Variants in FLRT1 observed in about 807,000 individuals in gnomAD.
FLRT1 encodes the protein leucine-rich repeat transmembrane protein FLRT1.
In FLRT1, 14 loss-of-function variants were observed where a neutral mutation model predicts 30.9. That is an observed-to-expected ratio of 0.45 (90% CI 0.30 to 0.71). The LOEUF is 0.71. FLRT1 is among the 30% of genes least tolerant of loss of function. The pLI is 0.08. For synonymous variants in FLRT1, 368 were observed against 430.4 expected (o/e 0.85, Z 1.80); for missense variants, 737 against 949.2 (o/e 0.78, Z 2.94).
chr11:64,095,616 G>A (rs1269302853), intron 1 of FLRT1, among the ~76,000 whole-genome samples: 6 of 152,166 alleles, frequency 3.9e-5, no homozygotes, highest in Admixed American at 6.5e-5. Context: ...AAGGAAAGGC[G>A]GCTTCCCCCA....
chr11:64,081,274 G>A (rs190025922), intron 1 of FLRT1, among the ~76,000 whole-genome samples: 8 of 152,238 alleles, frequency 5.3e-5, no homozygotes, highest in South Asian at 2.1e-4. Flanking sequence ...TGCCCACCTC[G>A]GCCTCCCAAA....
At chr11:64,094,065 G>C (rs1447565101) in intron 1 of FLRT1, among the ~76,000 whole-genome samples, 1 of 152,174 alleles carries the variant, frequency 6.6e-6, no homozygotes, top group Non-Finnish European at 1.5e-5. Context: ...GGGAGGCCAA[G>C]CCAGGCAGAT....
intron 1 of FLRT1, among the ~76,000 whole-genome samples, chr11:64,062,087 G>A (rs894559600): frequency 9.2e-5 from 14 of 151,480 alleles, no homozygotes; most frequent in African/African-American, 3.2e-4. Flanking sequence ...TCTCTGCCTG[G>A]GGGATGTCTG....
Position 64,118,412 on chromosome 11 carries a change from T to C in FLRT1, c.*120T>C. 1 of 1,282,316 alleles carries C rather than the reference T, an allele frequency of 7.8e-7. No individual in the cohort carries two copies. Among genetic ancestry groups the C allele is most frequent in the Non-Finnish European group, 1.0e-6 (1 of 974,782 alleles). The allele number at this position is 1,282,316 out of a possible 1,614,324, so 79.4% of individuals were successfully genotyped here. A position where few individuals can be genotyped will look rare whatever the true frequency, so the allele number is the denominator to read the frequency against. ...AGAGAAATTCCATGGGTGACTTTCC[T>C]CCGCAGAAAGCAAAGTTTGGGGAGG... On this transcript the variant is annotated 3_prime_UTR_variant, in exon 3 of 3. Transcript: ENST00000682287.
At chr11:64,080,098 C>T (rs1291683322) in intron 1 of FLRT1, among the ~76,000 whole-genome samples, 2 of 152,168 alleles carry the variant, frequency 1.3e-5, no homozygotes, top group South Asian at 2.1e-4. Flanking sequence ...CTGCAACCTC[C>T]GCCTCCCAGG....
chr11:64,079,412 G>T (rs1046234729), intron 1 of FLRT1, among the ~76,000 whole-genome samples: 3 of 152,048 alleles, frequency 2.0e-5, no homozygotes, highest in South Asian at 2.1e-4. Flanking sequence ...GGGATGGGGG[G>T]GTGTGCGAAG....
chr11:64,088,444 C>A (rs141862780), intron 1 of FLRT1, among the ~76,000 whole-genome samples: 2 of 152,160 alleles, frequency 1.3e-5, no homozygotes, highest in Non-Finnish European at 2.9e-5. Flanking sequence ...CCTGCAGGTG[C>A]GGCTGTGGGC....
chr11:64,110,068 G>GT (rs1565236894), intron 2 of FLRT1, among the ~76,000 whole-genome samples: 1 of 152,160 alleles, frequency 6.6e-6, no homozygotes, highest in Non-Finnish European at 1.5e-5. Context: ...ATCCTGAATT[G>GT]TAAGTTCCCA....
At position 64,064,795 on chromosome 11, in the gene FLRT1, C is replaced by T. The variant is rs912336601; in HGVS notation, c.-1038+28636C>T. 2.6e-5 allele frequency among the ~76,000 whole-genome samples: 4 copies of T among 151,988 alleles called. No individual in the cohort carries two copies. The highest frequency in any genetic ancestry group is 6.6e-5 in the Admixed American group (1 of 15,234). ...AGGCTGACAGAACAGAGGCTGCCAA[C>T]TAAAACCTGGGCACCCGGTGGCCAA... On this transcript the variant is annotated intron_variant, in intron 1 of 2. Transcript: ENST00000682287. The surrounding 1 kb of genome is among the most constrained non-coding windows in gnomAD (Gnocchi z 4.5).
At chr11:64,051,916 TA>T (rs1943702590) in intron 1 of FLRT1, among the ~76,000 whole-genome samples, 1 of 151,524 alleles carries the variant, frequency 6.6e-6, no homozygotes. Flanking sequence ...GCAAGAGAGG[TA>T]GAGACTGGAT....
intron 1 of FLRT1, among the ~76,000 whole-genome samples, chr11:64,062,041 C>T (rs1181324688): frequency 1.3e-5 from 2 of 149,306 alleles, no homozygotes; most frequent in Non-Finnish European, 3.0e-5. Context: ...AGATTCTGTC[C>T]TGTCCAAAGC....
rs963367301 is a variant in FLRT1 at position 64,082,201 on chromosome 11, ATC to A, written c.-1037-20992_-1037-20991del. ...CCAGAGCCAGGAGCAGGCGCGAAAC[ATC>A]CCTTAAATATTGGTGCTCTCGGCAG... On this transcript the variant is annotated intron_variant, in intron 1 of 2. Coordinates refer to ENST00000682287, the MANE Select transcript of FLRT1 (RefSeq NM_013280.5). This position sits in a 1 kb window ranked among gnomAD's most constrained non-coding sequence, Gnocchi z 4.5. 5.3e-5 allele frequency among the ~76,000 whole-genome samples: 8 copies of A among 152,084 alleles called. No homozygotes were observed. The highest frequency in any genetic ancestry group is 7.4e-5 in the Non-Finnish European group (5 of 68,004).
chr11:64,062,300 A>T (rs1190720624), intron 1 of FLRT1, among the ~76,000 whole-genome samples: 3 of 152,104 alleles, frequency 2.0e-5, no homozygotes, highest in Non-Finnish European at 4.4e-5. Flanking sequence ...TCTATCAGTG[A>T]GTGAGTGATG....
intron 1 of FLRT1, among the ~76,000 whole-genome samples, chr11:64,094,800 T>C (rs559973523): frequency 6.6e-6 from 1 of 152,374 alleles, no homozygotes; most frequent in Middle Eastern, 3.4e-3. Context: ...CATCCTTGGC[T>C]GTGCCTGGGG....
rs1032654539 is a variant in FLRT1, at chr11:64,104,098, C to G, written c.-133C>G. On this transcript the variant is annotated 5_prime_UTR_variant, in exon 2 of 3. Transcript: ENST00000682287. The stretch of plus-strand genomic sequence containing the variant: ...CATCTGAGCTCACGGTGTCCTGAGT[C>G]GCGGCTTCGTGACTTTGGCAGGGGC... 6.6e-6 allele frequency: 1 copy of G among 152,286 alleles called. No individual in the cohort carries two copies. Among genetic ancestry groups the G allele is most frequent in the East Asian group, 1.9e-4 (1 of 5,270 alleles). The allele number at this position is 152,286 out of a possible 1,614,324, so 9.4% of individuals were successfully genotyped here.
At chr11:64,111,423 A>G (rs570096061) in intron 2 of FLRT1, among the ~76,000 whole-genome samples, 1 of 152,276 alleles carries the variant, frequency 6.6e-6, no homozygotes, top group South Asian at 2.1e-4. Flanking sequence ...TCCTGTCTCT[A>G]GCATTGCCCT....
intron 1 of FLRT1, among the ~76,000 whole-genome samples, chr11:64,085,332 C>T (rs547511162): frequency 3.3e-5 from 5 of 152,282 alleles, no homozygotes; most frequent in Admixed American, 1.3e-4. Context: ...CAAGCCTCAG[C>T]GCCCGCTGCT....
intron 1 of FLRT1, among the ~76,000 whole-genome samples, chr11:64,092,850 CCAAAGA>C (rs1340897334): frequency 6.6e-5 from 10 of 152,348 alleles, no homozygotes; most frequent in East Asian, 5.8e-4. Context: ...ACACGTGTCA[CCAAAGA>C]CAAAGTCAAT....
intron 1 of FLRT1, among the ~76,000 whole-genome samples, chr11:64,077,062 G>T (rs888439089): frequency 1.4e-4 from 21 of 152,062 alleles, no homozygotes; most frequent in Admixed American, 4.6e-4. Context: ...AGGGTAGGGG[G>T]GTCCACAGAC....
Sources: allele counts gnomAD v4.1 joint callset (sites outside exome capture counted in the v4.1 genomes callset), GRCh38; gene constraint gnomAD v4.1.1; non-coding constraint Gnocchi (gnomAD v3.1); transcripts MANE v1.5; gene names NCBI Gene and HGNC (gene_info 2026-07-23, HGNC 2026-07-21).